PLXNB2: variants seen among roughly 807,000 people sequenced by gnomAD.
PLXNB2 encodes the protein plexin B2, also known as plexin-B2.
In PLXNB2, 85 loss-of-function variants were observed where a neutral mutation model predicts 202.6. The ratio of observed to expected loss-of-function variants is 0.42; its 90% CI spans 0.35 to 0.50. The LOEUF is 0.50. PLXNB2 is among the 20% of genes least tolerant of loss of function. The pLI is 0.02. For missense variants in PLXNB2, 2,063 were observed against 2,586.2 expected, an observed-to-expected ratio of 0.80 and a Z score of 4.39; for synonymous variants, 1,239 against 1,137.6, an observed-to-expected ratio of 1.09 and a Z score of -1.79.
In PLXNB2 at chr22:50,278,837, G is replaced by C; in HGVS notation, c.4546+18C>G. ...CACATGGGCGCCTGTGTGCAGACGG[G>C]CAGGGGCCGGCACTCACCCAGGACC... is the stretch of plus-strand genomic sequence containing the variant. On this transcript the variant is annotated intron_variant, in intron 28 of 36. Coordinates refer to ENST00000359337, the MANE Select transcript of PLXNB2 (RefSeq NM_012401.4). 1.9e-6 allele frequency: 3 copies of C among 1,605,156 alleles called. No homozygotes were observed. Among genetic ancestry groups the C allele is most frequent in the Non-Finnish European group, 2.6e-6 (3 of 1,174,536 alleles).
intron 8 of PLXNB2, 70 bp downstream of exon 8, chr22:50,287,041 C>T (rs1425062717): frequency 2.4e-5 from 33 of 1,392,606 alleles, no homozygotes; most frequent in African/African-American, 8.8e-5. Flanking sequence ...CCAGCAGAGG[C>T]GAGAGCCCGT....
At position 50,288,127 on chromosome 22, in the gene PLXNB2, C is replaced by G. The variant is rs556260264; in HGVS notation, c.1381-90G>C. On this transcript the variant is annotated intron_variant, in intron 5 of 36. Coordinates refer to ENST00000359337, the MANE Select transcript of PLXNB2 (RefSeq NM_012401.4). This position sits in a 1 kb window ranked among gnomAD's most constrained non-coding sequence, Gnocchi z 5.0. ...ATGTCCCCAGACCGCCAGCTTGACC[C>G]AGCTCTGTCCCGGGGCCTCGGGAGC... is the stretch of plus-strand genomic sequence containing the variant. The G allele has an allele frequency of 6.5e-5, 64 of 987,664 alleles. No homozygotes were observed. In the East Asian group the frequency reaches 1.7e-3, roughly 26 times the overall value. 61.2% of individuals were successfully genotyped at this position (987,664 alleles called of 1,614,324 possible).
rs1181786293 is a variant in PLXNB2 at position 50,287,718 on chromosome 22, C to A, written c.1557G>T (p.Val519=). 2 of 1,569,148 alleles carry A rather than the reference C, an allele frequency of 1.3e-6. No individual in the cohort carries two copies. Among genetic ancestry groups the A allele is most frequent in the Non-Finnish European group, 1.7e-6 (2 of 1,162,448 alleles). The change falls in exon 7 of 37, where the codon GTG becomes GTT. Residue 519 remains valine, a synonymous_variant. Coordinates refer to ENST00000359337, the MANE Select transcript of PLXNB2 (RefSeq NM_012401.4). ...TCTGTGGCTGGGCGCTGGTGACGGC[C>A]ACGCAGGACTTGCTTCGGCTCCACA... ...HWLWSRSKSC[V]AVTSAQPQNM...
At chr22:50,287,306 C>T in intron 7 of PLXNB2, 42 bp from the exon 8 acceptor site, 1 of 1,455,076 alleles carries the variant, frequency 6.9e-7, no homozygotes, top group Non-Finnish European at 9.1e-7. Flanking sequence ...AACCCCGAGT[C>T]CTGTCAGCCC....
intron 1 of PLXNB2, among the ~76,000 whole-genome samples, chr22:50,300,568 C>G (rs1003159230): frequency 4.6e-5 from 7 of 152,226 alleles, no homozygotes; most frequent in African/African-American, 1.7e-4. Flanking sequence ...CGGGGCGGGG[C>G]TCCAGGGACA....
rs1420824328 is a variant in PLXNB2, at chr22:50,297,033, T to C, written c.-73-2255A>G. On this transcript the variant is annotated intron_variant, in intron 1 of 36. Transcript: ENST00000359337. The surrounding 1 kb of genome is among the most constrained non-coding windows in gnomAD (Gnocchi z 5.3). ...TTCGACCTGAGACTCAACAGCACCT[T>C]TGTGAAAAGGGCAAAAGGCTGCTCC... Among the ~76,000 whole-genome samples, 2 of 151,988 alleles carry C rather than the reference T, an allele frequency of 1.3e-5. No homozygotes were observed. Among genetic ancestry groups the C allele is most frequent in the Admixed American group, 6.5e-5 (1 of 15,270 alleles).
chr22:50,307,229 G>A (rs976196261), intron 1 of PLXNB2, among the ~76,000 whole-genome samples: 3 of 152,118 alleles, frequency 2.0e-5, no homozygotes, highest in African/African-American at 7.2e-5. Flanking sequence ...GACCATCTCC[G>A]CTCGGCGCAC....
chr22:50,298,985 A>C (rs2067475261), intron 1 of PLXNB2, among the ~76,000 whole-genome samples: 1 of 152,248 alleles, frequency 6.6e-6, no homozygotes, highest in South Asian at 2.1e-4. Context: ...ACCAGCACAA[A>C]GCAGTCAGGC....
In PLXNB2 at chr22:50,281,751, G is replaced by C. The variant is rs1361502877; in HGVS notation, c.3346-9C>G. 6.4e-7 allele frequency: 1 copy of C among 1,559,294 alleles called. No homozygotes were observed. The highest frequency in any genetic ancestry group is 8.7e-7 in the Non-Finnish European group (1 of 1,151,576). On this transcript the variant is annotated splice_polypyrimidine_tract_variant and intron_variant, in intron 20 of 36. Transcript: ENST00000359337. ...TTGTTCAGATTGGTGCCCTGGGGAGGCGGCAGTGGTCGGGGTGAGGAGGAG... is the reference window on the plus strand; with the variant it reads ...TTGTTCAGATTGGTGCCCTGGGGAGCCGGCAGTGGTCGGGGTGAGGAGGAG...
At position 50,288,933 on chromosome 22, in the gene PLXNB2, G is replaced by A; in HGVS notation, c.1251+27C>T. 1 of 1,606,726 alleles carries A rather than the reference G, an allele frequency of 6.2e-7. No individual in the cohort carries two copies. ...CTTGTGCACAGACGGGCCCTCCAGA[G>A]CCTCCCCGCCCCAGCCTGGGCCAAA... On this transcript the variant is annotated intron_variant, in intron 4 of 36. Coordinates refer to ENST00000359337, the MANE Select transcript of PLXNB2 (RefSeq NM_012401.4). This position sits in a 1 kb window ranked among gnomAD's most constrained non-coding sequence, Gnocchi z 5.0.
chr22:50,279,425 G>A (rs1300655779), intron 27 of PLXNB2, among the ~76,000 whole-genome samples: 3 of 152,200 alleles, frequency 2.0e-5, no homozygotes, highest in Non-Finnish European at 4.4e-5. Flanking sequence ...AGCTGATGCG[G>A]GGCCCGCACA....
In PLXNB2 at chr22:50,287,801, C is replaced by T. The variant is rs769013665; in HGVS notation, c.1482-8G>A. On this transcript the variant is annotated splice_region_variant and splice_polypyrimidine_tract_variant and intron_variant, in intron 6 of 36. Coordinates refer to ENST00000359337, the MANE Select transcript of PLXNB2 (RefSeq NM_012401.4). ...TCGGCCTTCCGGGTGCATCTGCAGG[C>T]GCAGGGGGCGGCCTCAGCCCAGGGT... The T allele has an allele frequency of 1.1e-5, 18 of 1,595,056 alleles. No homozygotes were observed. The highest frequency in any genetic ancestry group is 1.4e-5 in the Non-Finnish European group (17 of 1,177,400).
chr22:50,302,645 G>A (rs574307782), intron 1 of PLXNB2, among the ~76,000 whole-genome samples: 6 of 152,266 alleles, frequency 3.9e-5, no homozygotes, highest in Admixed American at 6.5e-5. Context: ...GATCAGGCTC[G>A]GTGCCAACAT....
Position 50,289,892 on chromosome 22 carries a change from G to A in PLXNB2, c.693C>T (p.Val231=), listed in dbSNP as rs1431856244. 4 of 1,613,134 alleles carry A rather than the reference G, an allele frequency of 2.5e-6. No individual in the cohort carries two copies. The highest frequency in any genetic ancestry group is 1.3e-5 in the African/African-American group (1 of 74,956). ...AFEDGPYVFF[V]FNQQDKHPAR... is the part of the protein sequence containing the mutation. ...CCGGGTGCTTGTCCTGCTGGTTGAA[G>A]ACAAAGAAGACGTAGGGGCCGTCCT... The change falls in exon 3 of 37, where the codon GTC becomes GTT. Residue 231 remains valine, a synonymous_variant. Transcript: ENST00000359337. This position sits in a 1 kb window ranked among gnomAD's most constrained non-coding sequence, Gnocchi z 8.0.
At chr22:50,277,502 C>T (rs1601673887) in intron 33 of PLXNB2, 89 bp downstream of exon 33, 1 of 1,325,284 alleles carries the variant, frequency 7.5e-7, no homozygotes, top group East Asian at 2.4e-5. Flanking sequence ...TATTCAAATC[C>T]ACACCCCAGA....
rs915280315 is a variant in PLXNB2 at position 50,275,149 on chromosome 22, C to A, written c.*555G>T. ...GGGCCCCGACGTAGGACTTGACCTA[C>A]GTCTCACTTGACCTTTGACGTGGGG... On this transcript the variant is annotated 3_prime_UTR_variant, in exon 37 of 37. Transcript: ENST00000359337. 3.3e-6 allele frequency: 1 copy of A among 299,046 alleles called. No homozygotes were observed. 18.5% of individuals were successfully genotyped at this position (299,046 alleles called of 1,614,324 possible).
rs748920566 is a variant in PLXNB2, at chr22:50,280,910, T to C, written c.3827A>G (p.Asp1276Gly). The C allele has an allele frequency of 2.5e-5, 41 of 1,612,956 alleles. No homozygotes were observed. Among genetic ancestry groups the C allele is most frequent in the Non-Finnish European group, 3.2e-5 (38 of 1,179,814 alleles). Residue 1276 changes from aspartate (D) to glycine (G), a missense_variant, in exon 24 of 37, where the codon GAC becomes GGC. Coordinates refer to ENST00000359337, the MANE Select transcript of PLXNB2 (RefSeq NM_012401.4). ...DVHEAGIPVL[D>G]YKTYTDRVFF... ...GACGCGGTCGGTGTAGGTCTTGTAG[T>C]CCAGCACGGGGATGCCGGCCTCGTG...
intron 8 of PLXNB2, among the ~76,000 whole-genome samples, chr22:50,286,903 C>T (rs1228395651): frequency 1.3e-5 from 2 of 152,178 alleles, no homozygotes; most frequent in Non-Finnish European, 2.9e-5. Flanking sequence ...GCCTGGGGGG[C>T]GTGGCTGCGG....
chr22:50,279,325 C>T (rs2065829542), intron 27 of PLXNB2, among the ~76,000 whole-genome samples: 1 of 152,242 alleles, frequency 6.6e-6, no homozygotes. Flanking sequence ...GCTCCTGCCA[C>T]ACCCACTGGT....
Sources: gnomAD v4.1 joint callset for allele counts (sites outside exome capture counted in the v4.1 genomes callset) on GRCh38, gnomAD v4.1.1 for gene constraint, Gnocchi (gnomAD v3.1) non-coding constraint, MANE v1.5 for transcripts, NCBI Gene and HGNC (gene_info 2026-07-23, HGNC 2026-07-21) for gene names.